GLIS3: variants seen among roughly 807,000 people sequenced by gnomAD.
The protein encoded by GLIS3 is GLIS family zinc finger 3, also known as zinc finger protein GLIS3.
In GLIS3, 53 loss-of-function variants were observed where a neutral mutation model predicts 78.6. That is an observed-to-expected ratio of 0.67 (90% CI 0.54 to 0.85). The LOEUF (loss-of-function observed/expected upper bound fraction) is 0.85, where lower values mean the gene tolerates loss of function less well. GLIS3 is among the 40% of genes least tolerant of loss of function. GLIS3 has a pLI of 0.00. For synonymous variants in GLIS3, 684 were observed against 509.9 expected, an observed-to-expected ratio of 1.34 and a Z score of -4.60; for missense variants, 1,703 against 1,231.1, an observed-to-expected ratio of 1.38 and a Z score of -5.74.
At chr9:4,318,152 T>TA (rs372431403) in intron 2 of GLIS3, among the ~76,000 whole-genome samples, 4 of 152,208 alleles carry the variant, frequency 2.6e-5, no homozygotes, top group East Asian at 1.9e-4. Context: ...GGAGCCAGGG[T>TA]CTTGCTGCGG....
At chr9:4,479,740 C>T in the GLIS3 span, among the ~76,000 whole-genome samples, 1 of 152,014 alleles carries the variant, frequency 6.6e-6, no homozygotes, top group Non-Finnish European at 1.5e-5. Context: ...ACCTGGGAGG[C>T]AGACCCCTAT....
intron 4 of GLIS3, among the ~76,000 whole-genome samples, chr9:3,951,777 T>C (rs1816694888): frequency 6.8e-6 from 1 of 147,542 alleles, no homozygotes; most frequent in Non-Finnish European, 1.5e-5. Context: ...AAACTTGAAA[T>C]GACTGAGATG....
chr9:4,300,783 G>GTAGAAAGTCTGTAGAAGCAGAA (rs1273020987), upstream of GLIS3, among the ~76,000 whole-genome samples: 1 of 151,806 alleles, frequency 6.6e-6, no homozygotes, highest in African/African-American at 2.4e-5. Context: ...AAGAAAGTCT[G>GTAGAAAGTCTGTAGAAGCAGAA]CTCCTAGTAG....
chr9:4,193,162 A>C (rs1357237022), intron 2 of GLIS3, among the ~76,000 whole-genome samples: 1 of 152,396 alleles, frequency 6.6e-6, no homozygotes, highest in East Asian at 1.9e-4. Context: ...TTGGTCAGCA[A>C]AACTATAGCC....
chr9:4,385,892 G>A, the GLIS3 span, among the ~76,000 whole-genome samples: 3 of 151,940 alleles, frequency 2.0e-5, no homozygotes, highest in African/African-American at 4.8e-5. Context: ...AGCCAATCCC[G>A]AAAGAGATTC....
chr9:4,117,576 G>A (rs1057209853), intron 4 of GLIS3, among the ~76,000 whole-genome samples, 192 bp downstream of exon 4: 8 of 152,132 alleles, frequency 5.3e-5, no homozygotes, highest in African/African-American at 1.9e-4. Context: ...TTTGCAGAAG[G>A]AAATATAGCA....
intron 4 of GLIS3, among the ~76,000 whole-genome samples, chr9:4,092,559 G>A (rs1297210979): frequency 6.6e-6 from 1 of 151,696 alleles, no homozygotes; most frequent in Non-Finnish European, 1.5e-5. Context: ...TAAATTTTTT[G>A]TTGAAAAGTA....
chr9:4,315,055 C>T (rs577290994), intron 2 of GLIS3, among the ~76,000 whole-genome samples: 1 of 152,306 alleles, frequency 6.6e-6, no homozygotes, highest in South Asian at 2.1e-4. Flanking sequence ...TCCTTCCACT[C>T]TCTCCTGCTC....
chr9:4,253,032 G>A (rs552088389), intron 2 of GLIS3, among the ~76,000 whole-genome samples: 2 of 152,346 alleles, frequency 1.3e-5, no homozygotes, highest in South Asian at 2.1e-4. Context: ...AAGCTCTCCT[G>A]TATGAAGTCT....
At chr9:4,301,123 A>G (rs964387722), upstream of GLIS3, among the ~76,000 whole-genome samples, 15 of 152,132 alleles carry the variant, frequency 9.9e-5, no homozygotes, top group African/African-American at 3.6e-4. Context: ...TGGGAATACT[A>G]CTAGGCTTGG....
the GLIS3 span, among the ~76,000 whole-genome samples, chr9:4,462,634 G>GAC: frequency 6.0e-5 from 4 of 66,712 alleles, no homozygotes; most frequent in African/African-American, 2.0e-4. Flanking sequence ...CACACACACA[G>GAC]ACACGCACAC....
At chr9:4,418,678 G>A in the GLIS3 span, among the ~76,000 whole-genome samples, 1 of 152,044 alleles carries the variant, frequency 6.6e-6, no homozygotes, top group African/African-American at 2.4e-5. Flanking sequence ...CAGCCTGGAT[G>A]ACAGAGCCAG....
In GLIS3 at chr9:3,825,693, A is replaced by T. The variant is rs1246700866; in HGVS notation, c.*2579T>A. The T allele has an allele frequency of 6.6e-6, 1 of 152,220 alleles. No individual in the cohort carries two copies. The highest frequency in any genetic ancestry group is 1.9e-4 in the East Asian group (1 of 5,194). The allele number at this position is 152,220 out of a possible 1,614,324, so 9.4% of individuals were successfully genotyped here. A position where few individuals can be genotyped will look rare whatever the true frequency, so the allele number is the denominator to read the frequency against. ...TGAAAGTAAGCAAGGGACAAATTTTAAGGTCAGGAAAGACTCTCGAATCTA... is the reference window on the plus strand; with the variant it reads ...TGAAAGTAAGCAAGGGACAAATTTTTAGGTCAGGAAAGACTCTCGAATCTA... On this transcript the variant is annotated 3_prime_UTR_variant, in exon 11 of 11. Transcript: ENST00000381971.
chr9:4,409,802 G>A, the GLIS3 span, among the ~76,000 whole-genome samples: 1 of 152,126 alleles, frequency 6.6e-6, no homozygotes, highest in Non-Finnish European at 1.5e-5. Flanking sequence ...AAATGTATTG[G>A]TCACAGGAAA....
chr9:3,856,177 G>C lies in GLIS3; in HGVS notation c.2305C>G (p.Pro769Ala). Reference sequence around the variant, plus strand: ...ATGTGGTGAGGAGATGGAGCAGAAGGTGCAAACCTGAGAAAACAATTATAA... The same window carrying C: ...ATGTGGTGAGGAGATGGAGCAGAAGCTGCAAACCTGAGAAAACAATTATAA... ...AVDAGAERFA[P>A]SAPSPHHISP... The change falls in exon 9 of 11, where the codon CCT becomes GCT. Residue 769 changes from proline (P) to alanine (A), a missense_variant. Pro to Ala is a conservative substitution (Grantham distance 27, BLOSUM62 -1). Coordinates refer to ENST00000381971, the MANE Select transcript of GLIS3 (RefSeq NM_001042413.2). 2 of 1,613,776 alleles carry C rather than the reference G, an allele frequency of 1.2e-6. No individual in the cohort carries two copies. The highest frequency in any genetic ancestry group is 1.7e-6 in the Non-Finnish European group (2 of 1,179,862).
intron 2 of GLIS3, among the ~76,000 whole-genome samples, chr9:4,338,481 G>T (rs538320364): frequency 6.6e-6 from 1 of 151,998 alleles, no homozygotes; most frequent in Non-Finnish European, 1.5e-5. Context: ...GTATTTGGGA[G>T]TCACCATACT....
At chr9:4,403,897 T>C in the GLIS3 span, among the ~76,000 whole-genome samples, 1 of 151,666 alleles carries the variant, frequency 6.6e-6, no homozygotes, top group Non-Finnish European at 1.5e-5. Flanking sequence ...TGAGTGAAAA[T>C]TGACTAAATG....
At chr9:4,046,385 TG>T (rs922655846) in intron 4 of GLIS3, among the ~76,000 whole-genome samples, 1 of 152,144 alleles carries the variant, frequency 6.6e-6, no homozygotes, top group African/African-American at 2.4e-5. Flanking sequence ...AAGAGAGGGT[TG>T]GCAGGCATGA....
chr9:4,315,956 T>G (rs989422850), intron 2 of GLIS3, among the ~76,000 whole-genome samples: 2 of 152,180 alleles, frequency 1.3e-5, no homozygotes, highest in African/African-American at 4.8e-5. Flanking sequence ...CACAAAACTC[T>G]GCTACTCTAA....
Sources: gnomAD v4.1 joint callset for allele counts (sites outside exome capture counted in the v4.1 genomes callset) on GRCh38, gnomAD v4.1.1 for gene constraint, MANE v1.5 for transcripts, NCBI Gene and HGNC (gene_info 2026-07-23, HGNC 2026-07-21) for gene names.